RAB10: variants seen among roughly 807,000 people sequenced by gnomAD.
RAB10 encodes the protein ras-related protein Rab-10.
RAB10 carries 5 observed loss-of-function variants against 25.7 expected under a neutral mutation model. That is an observed-to-expected ratio of 0.19 (90% CI 0.10 to 0.41). The LOEUF is 0.41. Among genes scored for constraint, RAB10 ranks in the 10% least tolerant of loss-of-function variants. The pLI is 1.00. For synonymous variants in RAB10, 89 were observed against 86.4 expected (o/e 1.03, Z -0.16); for missense variants, 103 against 245.8 (o/e 0.42, Z 3.89).
At chr2:26,129,327 T>A (rs528477903) in intron 5 of RAB10, among the ~76,000 whole-genome samples, 1 of 151,096 alleles carries the variant, frequency 6.6e-6, no homozygotes, top group East Asian at 1.9e-4. Context: ...GAGAAGCAGA[T>A]GTTGTATAGG....
At chr2:26,077,194 C>T (rs537115272) in intron 1 of RAB10, among the ~76,000 whole-genome samples, 3 of 151,984 alleles carry the variant, frequency 2.0e-5, no homozygotes, top group South Asian at 2.1e-4. Flanking sequence ...TTTAAAAAAT[C>T]GTGTGAAATG....
At chr2:26,074,185 ATGGTATGGTAGT>A (rs139756876) in intron 1 of RAB10, among the ~76,000 whole-genome samples, 21,817 of 152,104 alleles carry the variant, frequency 0.14, 1,925 homozygotes, top group Middle Eastern at 0.24. Flanking sequence ...GCCTGAGATG[ATGGTATGGTAGT>A]GGAGAAAAGA....
chr2:26,081,641 A>G (rs755374914), intron 1 of RAB10, among the ~76,000 whole-genome samples: 26 of 152,230 alleles, frequency 1.7e-4, no homozygotes, highest in Non-Finnish European at 3.1e-4. Context: ...CTTGGGTTAT[A>G]TAAGTTATTA....
rs945037519 is a variant in RAB10, at chr2:26,135,639, T to G, written c.*618T>G. The G allele has an allele frequency of 6.6e-6, 1 of 152,658 alleles. No individual in the cohort carries two copies. The highest frequency in any genetic ancestry group is 1.5e-5 in the Non-Finnish European group (1 of 68,044). 9.5% of individuals were successfully genotyped at this position (152,658 alleles called of 1,614,324 possible). On this transcript the variant is annotated 3_prime_UTR_variant, in exon 6 of 6. Transcript: ENST00000264710. Reference sequence around the variant, plus strand: ...ACCATTAAAATGTTTGTGGTTTGCTTGGCTGTAATTTTCAAAGTAGTTAAT... The same window carrying G: ...ACCATTAAAATGTTTGTGGTTTGCTGGGCTGTAATTTTCAAAGTAGTTAAT...
chr2:26,073,197 G>A (rs1666664470), intron 1 of RAB10, among the ~76,000 whole-genome samples: 1 of 152,190 alleles, frequency 6.6e-6, no homozygotes. Flanking sequence ...GATTTTAAAA[G>A]TAGAGAAGGA....
intron 2 of RAB10, among the ~76,000 whole-genome samples, chr2:26,105,979 G>A (rs1353027468): frequency 2.6e-5 from 4 of 152,198 alleles, no homozygotes; most frequent in African/African-American, 7.2e-5. Context: ...GCTCTATGAT[G>A]TGTGCACAAT....
chr2:26,034,070 A>G, upstream of RAB10: 1 of 402,042 alleles, frequency 2.5e-6, no homozygotes, highest in South Asian at 1.2e-4. Flanking sequence ...GGGCGGGCGT[A>G]CGCCCTTGCG....
chr2:26,033,792 G>A (rs1054700202), upstream of RAB10, among the ~76,000 whole-genome samples: 13 of 151,866 alleles, frequency 8.6e-5, no homozygotes, highest in African/African-American at 3.1e-4. Flanking sequence ...GGAGGCGGGA[G>A]GCGGGGGTCG....
At chr2:26,073,648 G>C (rs1365538119) in intron 1 of RAB10, among the ~76,000 whole-genome samples, 2 of 152,212 alleles carry the variant, frequency 1.3e-5, no homozygotes, top group East Asian at 3.8e-4. Context: ...AAACAGAAGA[G>C]TAAATACAGT....
At chr2:26,087,952 T>C (rs1667023431) in intron 1 of RAB10, among the ~76,000 whole-genome samples, 2 of 152,360 alleles carry the variant, frequency 1.3e-5, no homozygotes, top group South Asian at 4.1e-4. Flanking sequence ...AAATGACCTT[T>C]TCAAAATGTA....
chr2:26,045,980 A>G (rs1665993661), intron 1 of RAB10, among the ~76,000 whole-genome samples: 1 of 152,224 alleles, frequency 6.6e-6, no homozygotes, highest in South Asian at 2.1e-4. Context: ...CTTCAAATAG[A>G]TGAATAATTG....
At chr2:26,074,888 C>T (rs7591842) in intron 1 of RAB10, among the ~76,000 whole-genome samples, 7 of 152,240 alleles carry the variant, frequency 4.6e-5, no homozygotes, top group Middle Eastern at 3.4e-3. Context: ...GAGGATCGAA[C>T]GAGTAAATGC....
chr2:26,092,119 C>G (rs868092217), intron 1 of RAB10, among the ~76,000 whole-genome samples: 2 of 150,574 alleles, frequency 1.3e-5, no homozygotes, highest in South Asian at 2.1e-4. Context: ...TTGCAGTGAG[C>G]TGAGATAGTG....
At chr2:26,113,372 G>A (rs919526024) in intron 3 of RAB10, among the ~76,000 whole-genome samples, 2 of 151,960 alleles carry the variant, frequency 1.3e-5, no homozygotes, top group Non-Finnish European at 2.9e-5. Flanking sequence ...TCAGGAGTTC[G>A]AGACCAGCCT....
chr2:26,103,817 T>C (rs1667393204), intron 2 of RAB10, among the ~76,000 whole-genome samples: 1 of 152,198 alleles, frequency 6.6e-6, no homozygotes, highest in African/African-American at 2.4e-5. Context: ...ACTTTTCAAA[T>C]AGATGGAATC....
intron 1 of RAB10, among the ~76,000 whole-genome samples, chr2:26,073,875 C>T (rs965288002): frequency 3.3e-5 from 5 of 152,022 alleles, no homozygotes; most frequent in Non-Finnish European, 7.4e-5. Context: ...GGTTTCTAGG[C>T]AGTTAGTTGA....
At chr2:26,034,004 C>A (rs952547295), upstream of RAB10, 56 of 398,796 alleles carry the variant, frequency 1.4e-4, no homozygotes, top group African/African-American at 1.1e-3. Context: ...GGCGCGCCCC[C>A]ATGCCCTCTT....
At chr2:26,052,988 C>T (rs1666168560) in intron 1 of RAB10, among the ~76,000 whole-genome samples, 1 of 152,116 alleles carries the variant, frequency 6.6e-6, no homozygotes, top group Admixed American at 6.6e-5. Flanking sequence ...AAGTTGTAAG[C>T]TTGTTTTCAT....
At chr2:26,070,256 C>G (rs1666597044) in intron 1 of RAB10, among the ~76,000 whole-genome samples, 1 of 152,120 alleles carries the variant, frequency 6.6e-6, no homozygotes, top group African/African-American at 2.4e-5. Flanking sequence ...TGAGAACTTG[C>G]TACAGGCAGA....
Sources: allele counts gnomAD v4.1 joint callset (sites outside exome capture counted in the v4.1 genomes callset), GRCh38; gene constraint gnomAD v4.1.1; transcripts MANE v1.5; gene names NCBI Gene and HGNC (gene_info 2026-07-23, HGNC 2026-07-21).